The following NID2 variants were observed in gnomAD, a reference collection of about 807,000 sequenced individuals.
NID2 encodes the protein nidogen 2, also known as nidogen-2.
NID2 carries 83 observed loss-of-function variants against 145.4 expected under a neutral mutation model. The ratio of observed to expected loss-of-function variants is 0.57; its 90% CI spans 0.48 to 0.69. NID2 has a LOEUF of 0.69. Among genes scored for constraint, NID2 ranks in the 30% least tolerant of loss-of-function variants. The pLI is 0.00. For synonymous variants in NID2, 739 were observed against 701.3 expected (o/e 1.05, Z -0.85); for missense variants, 1,807 against 1,765.7 (o/e 1.02, Z -0.42).
chr14:52,030,724 G>T (rs1405937933), intron 9 of NID2, among the ~76,000 whole-genome samples: 1 of 151,874 alleles, frequency 6.6e-6, no homozygotes, highest in East Asian at 1.9e-4. Context: ...GGTGGCCCAT[G>T]CTTGTAGTCC....
At chr14:52,057,703 C>CAAAAAAAAAAAAAAAAA (rs5808649) in intron 3 of NID2, among the ~76,000 whole-genome samples, 1 of 89,650 alleles carries the variant, frequency 1.1e-5, no homozygotes, top group Non-Finnish European at 2.1e-5. Flanking sequence ...ACCTCCGTCT[C>CAAAAAAAAAAAAAAAAA]AAAAAAAAAA....
chr14:52,032,772 T>C (rs2140385235), intron 9 of NID2, among the ~76,000 whole-genome samples: 1 of 142,664 alleles, frequency 7.0e-6, no homozygotes, highest in Non-Finnish European at 1.5e-5. Context: ...CACATGGACA[T>C]CAAGAGCTTA....
At chr14:52,066,934 A>T (rs1263230401) in intron 2 of NID2, among the ~76,000 whole-genome samples, 1 of 152,168 alleles carries the variant, frequency 6.6e-6, no homozygotes, top group South Asian at 2.1e-4. Context: ...GGAGCCTGGA[A>T]TTTTTTACTT....
chr14:52,063,912 C>A (rs1308106638), intron 2 of NID2, among the ~76,000 whole-genome samples: 2 of 152,214 alleles, frequency 1.3e-5, no homozygotes, highest in African/African-American at 4.8e-5. Context: ...TATCACATCC[C>A]TAATACTATA....
chr14:52,029,531 A>G lies in NID2; in HGVS notation c.2401+16T>C. 6.3e-7 allele frequency: 1 copy of G among 1,597,840 alleles called. No individual in the cohort carries two copies. The highest frequency in any genetic ancestry group is 8.6e-7 in the Non-Finnish European group (1 of 1,166,782). ...ACAAGGGCTACAAGAAGGAGACACG[A>G]GAACATGGCTCTTACCCACACAGTT... On this transcript the variant is annotated intron_variant, in intron 10 of 21. Transcript: ENST00000216286.
At chr14:52,006,879 T>G in intron 19 of NID2, 1 of 382,560 alleles carries the variant, frequency 2.6e-6, no homozygotes, top group Non-Finnish European at 4.8e-6. Context: ...AGGATTGCAT[T>G]TACTGAAATC....
intron 2 of NID2, among the ~76,000 whole-genome samples, chr14:52,067,563 C>T (rs1383505951): frequency 6.6e-6 from 1 of 152,138 alleles, no homozygotes; most frequent in Admixed American, 6.5e-5. Flanking sequence ...TAAAAATAAG[C>T]AACCAAACAG....
chr14:52,023,796 A>G (rs1891483603), intron 12 of NID2, among the ~76,000 whole-genome samples: 1 of 152,258 alleles, frequency 6.6e-6, no homozygotes, highest in African/African-American at 2.4e-5. Context: ...CCTCCTGGCT[A>G]GTGACTCAGA....
chr14:52,042,184 G>T lies in NID2; in HGVS notation c.1746C>A (p.Pro582=). The stretch of plus-strand genomic sequence containing the variant: ...CAAACAGGCCTCCAATTGGTGTGAG[G>T]GGGAGGAGGGCCTGGGCTGCTGGCT... ...IPQPAAQALL[P]LTPIGGLFGW... Residue 582 remains proline (P), a synonymous_variant, in exon 7 of 22, where the codon CCC becomes CCA. Coordinates refer to ENST00000216286, the MANE Select transcript of NID2 (RefSeq NM_007361.4). 1 of 1,614,198 alleles carries T rather than the reference G, an allele frequency of 6.2e-7. No homozygotes were observed. The highest frequency in any genetic ancestry group is 8.5e-7 in the Non-Finnish European group (1 of 1,180,022).
Position 52,015,068 on chromosome 14 carries a change from C to T in NID2, c.3236G>A (p.Gly1079Asp). Residue 1079 changes from glycine to aspartate, a missense_variant, in exon 15 of 22, where the codon GGC becomes GAC. Gly to Asp is a moderately conservative substitution (Grantham distance 94). Transcript: ENST00000216286. ...CAGGTGCTTACACGCAGGGGTGGTG[C>T]CTGGCTGGGAGCGGGTGCCCTGCAC... ...REVQGTRSQP[G>D]TTPACIPTVA... The T allele has an allele frequency of 4.3e-6, 7 of 1,613,572 alleles. No homozygotes were observed. The highest frequency in any genetic ancestry group is 5.9e-6 in the Non-Finnish European group (7 of 1,179,770).
At chr14:52,022,109 T>C (rs1014090942) in intron 12 of NID2, among the ~76,000 whole-genome samples, 2 of 152,226 alleles carry the variant, frequency 1.3e-5, no homozygotes, top group Admixed American at 1.3e-4. Flanking sequence ...CAGTTTCTTA[T>C]TGTTACTTTT....
rs777796446 is a variant in NID2 at position 52,011,486 on chromosome 14, C to A, written c.3550+68G>T. On this transcript the variant is annotated intron_variant, in intron 17 of 21. Coordinates refer to ENST00000216286, the MANE Select transcript of NID2 (RefSeq NM_007361.4). ...ATGGAGAAAAATCGAGGGGAGACTTCGGCGTAAAGTAGACAAGTGACTTTG... is the reference window on the plus strand; with the variant it reads ...ATGGAGAAAAATCGAGGGGAGACTTAGGCGTAAAGTAGACAAGTGACTTTG... 8.1e-6 allele frequency: 13 copies of A among 1,596,336 alleles called. No homozygotes were observed. The Admixed American group carries it at 1.4e-4, about 17-fold the overall frequency.
rs200337493 is a variant in NID2, at chr14:52,030,515, G to A, written c.2258-825C>T. 3.1e-4 allele frequency among the ~76,000 whole-genome samples: 15 copies of A among 48,328 alleles called. 1 individual carries two copies. The highest frequency in any genetic ancestry group is 1.7e-3 in the East Asian group (4 of 2,424). The allele number at this position is 48,328 out of a possible 152,430, so 31.7% of individuals were successfully genotyped here. ...AAAGAAAGAAAGAGAAAGAAAGAAA[G>A]AAAAGAAAGAAAGAAAGAAAGAAAG... On this transcript the variant is annotated intron_variant, in intron 9 of 21. Coordinates refer to ENST00000216286, the MANE Select transcript of NID2 (RefSeq NM_007361.4).
chr14:52,032,751 A>G (rs1891911615), intron 9 of NID2, among the ~76,000 whole-genome samples: 1 of 150,528 alleles, frequency 6.6e-6, no homozygotes, highest in Non-Finnish European at 1.5e-5. Context: ...TCCAGCAAAG[A>G]TTAGTGTGTT....
intron 12 of NID2, among the ~76,000 whole-genome samples, chr14:52,024,327 T>C (rs1158545490): frequency 1.3e-5 from 2 of 152,230 alleles, no homozygotes; most frequent in Admixed American, 1.3e-4. Flanking sequence ...GCTAGCAGAC[T>C]TTCTCTGGCA....
Position 52,011,651 on chromosome 14 carries a change from G to T in NID2, c.3453C>A (p.Cys1151Ter). The change falls in exon 17 of 22, where the codon TGC becomes TGA. Residue 1151 changes from cysteine (C) to a stop codon, truncating the protein, a stop_gained. Transcript: ENST00000216286. LOFTEE classifies it high-confidence loss of function. ...CTGTCCAGTACACCATCCTCTCCCG[G>T]CAGTCGTAATCAATTCCCACGATTA... The part of the protein sequence containing the change: ...GSIIVGIDYD[C>*]RERMVYWTDV... 6.2e-7 allele frequency: 1 copy of T among 1,614,134 alleles called. No individual in the cohort carries two copies. The highest frequency in any genetic ancestry group is 8.5e-7 in the Non-Finnish European group (1 of 1,180,014).
At chr14:52,014,573 AC>A (rs1257190709) in intron 15 of NID2, 117 bp from the exon 16 acceptor site, 2 of 1,020,294 alleles carry the variant, frequency 2.0e-6, no homozygotes, top group Non-Finnish European at 2.8e-6. Context: ...TCTTCGCCCT[AC>A]GCAGATGTGC....
chr14:52,018,811 C>A (rs1023759076), intron 14 of NID2, among the ~76,000 whole-genome samples: 2 of 152,226 alleles, frequency 1.3e-5, no homozygotes, highest in African/African-American at 4.8e-5. Flanking sequence ...ACAATCTCAA[C>A]TTTCAGTTTG....
chr14:52,040,527 G>C lies in NID2; in HGVS notation c.2026+124C>G, dbSNP rs550852867. The C allele has an allele frequency of 8.9e-6, 7 of 782,204 alleles. No homozygotes were observed. In the Admixed American group the frequency reaches 1.2e-4, roughly 14 times the overall value. The allele number at this position is 782,204 out of a possible 1,614,324, so 48.5% of individuals were successfully genotyped here. Reference sequence around the variant, plus strand: ...TAACAATAAGAGTAATAACATAATAGAGCTCATTTTATGTTCCATGCACTG... The same window carrying C: ...TAACAATAAGAGTAATAACATAATACAGCTCATTTTATGTTCCATGCACTG... On this transcript the variant is annotated intron_variant, in intron 8 of 21. Coordinates refer to ENST00000216286, the MANE Select transcript of NID2 (RefSeq NM_007361.4).
Sources: allele counts gnomAD v4.1 joint callset (sites outside exome capture counted in the v4.1 genomes callset), GRCh38; gene constraint gnomAD v4.1.1; transcripts MANE v1.5; gene names NCBI Gene and HGNC (gene_info 2026-07-23, HGNC 2026-07-21).